DTNA: variants seen among roughly 807,000 people sequenced by gnomAD.
DTNA encodes the protein dystrophin-related protein 3.
In DTNA, 43 loss-of-function variants were observed where a neutral mutation model predicts 100.7. The observed-to-expected ratio is 0.43, with a 90% CI of 0.33 to 0.55. DTNA has a LOEUF of 0.55. DTNA is among the 20% of genes least tolerant of loss of function. DTNA has a pLI of 0.04. For synonymous variants in DTNA, 349 were observed against 347.9 expected, an observed-to-expected ratio of 1.00 and a Z score of -0.04; for missense variants, 798 against 953.9, an observed-to-expected ratio of 0.84 and a Z score of 2.15.
At position 34,888,814 on chromosome 18, in the gene DTNA, G is replaced by A. The variant is rs2096944326; in HGVS notation, c.*1080G>A. The A allele has an allele frequency of 2.0e-6, 2 of 985,842 alleles. No homozygotes were observed. The highest frequency in any genetic ancestry group is 2.4e-6 in the Non-Finnish European group (2 of 829,944). 61.1% of individuals were successfully genotyped at this position (985,842 alleles called of 1,614,324 possible). A position where few individuals can be genotyped will look rare whatever the true frequency, so the allele number is the denominator to read the frequency against. Reference sequence around the variant, plus strand: ...CCATCAAGTTGTTTGGAGGCCTTCAGCTTTAAATGTACAGGCTTAAAGTGC... The same window carrying A: ...CCATCAAGTTGTTTGGAGGCCTTCAACTTTAAATGTACAGGCTTAAAGTGC... On this transcript the variant is annotated 3_prime_UTR_variant, in exon 23 of 23. Transcript: ENST00000444659.
chr18:34,645,546 T>C (rs1243774952), intron 1 of DTNA, among the ~76,000 whole-genome samples: 6 of 152,118 alleles, frequency 3.9e-5, no homozygotes, highest in Non-Finnish European at 8.8e-5. Flanking sequence ...CCTACAGATA[T>C]GTATAAATCC....
At chr18:34,525,727 AG>A (rs1303381943) in intron 1 of DTNA, among the ~76,000 whole-genome samples, 1 of 152,180 alleles carries the variant, frequency 6.6e-6, no homozygotes, top group African/African-American at 2.4e-5. Context: ...TTATTGATCC[AG>A]AAAAAGCCAA....
chr18:34,819,883 A>G (rs1691258048), intron 8 of DTNA, among the ~76,000 whole-genome samples: 1 of 151,972 alleles, frequency 6.6e-6, no homozygotes, highest in South Asian at 2.1e-4. Flanking sequence ...GACTCTAGGT[A>G]TAAAAGAAAG....
chr18:34,726,569 C>A (rs1006083733), intron 1 of DTNA, among the ~76,000 whole-genome samples: 7 of 152,254 alleles, frequency 4.6e-5, no homozygotes, highest in Non-Finnish European at 1.0e-4. Flanking sequence ...AGGCCCCATG[C>A]AAGTCTGAAA....
intron 1 of DTNA, among the ~76,000 whole-genome samples, chr18:34,606,089 G>C (rs750518351): frequency 1.6e-4 from 24 of 152,072 alleles, no homozygotes; most frequent in Non-Finnish European, 3.2e-4. Context: ...ATCAAATCAG[G>C]GATGTTTTAT....
chr18:34,746,541 G>A (rs902803086), intron 1 of DTNA, among the ~76,000 whole-genome samples: 4 of 151,944 alleles, frequency 2.6e-5, no homozygotes, highest in African/African-American at 9.7e-5. Flanking sequence ...AAGATACATC[G>A]TATTGAATAA....
At chr18:34,807,990 T>A (rs2095407461) in intron 5 of DTNA, among the ~76,000 whole-genome samples, 1 of 151,804 alleles carries the variant, frequency 6.6e-6, no homozygotes, top group Admixed American at 6.6e-5. Flanking sequence ...GAGAACCTTG[T>A]CTGCCAACCC....
chr18:34,843,501 G>GTGCCAGCA (rs1392662925), intron 13 of DTNA, among the ~76,000 whole-genome samples: 2 of 152,062 alleles, frequency 1.3e-5, no homozygotes, highest in African/African-American at 4.8e-5. Context: ...CAAGACTAAG[G>GTGCCAGCA]TGCCAGCAGG....
At chr18:34,625,800 A>C (rs952174907) in intron 1 of DTNA, among the ~76,000 whole-genome samples, 1 of 152,218 alleles carries the variant, frequency 6.6e-6, no homozygotes, top group Non-Finnish European at 1.5e-5. Context: ...TGCTGGAAGT[A>C]CTTGCAGAAG....
intron 6 of DTNA, among the ~76,000 whole-genome samples, chr18:34,813,395 G>T (rs2095524412): frequency 6.6e-6 from 1 of 150,502 alleles, no homozygotes; most frequent in Non-Finnish European, 1.5e-5. Context: ...CTTAAGCCCG[G>T]ATGGCGCCAC....
intron 1 of DTNA, among the ~76,000 whole-genome samples, chr18:34,743,971 T>C (rs141746223): frequency 1.3e-5 from 2 of 152,094 alleles, no homozygotes; most frequent in African/African-American, 4.8e-5. Flanking sequence ...CTCTGGAGAA[T>C]ATCATCCAGA....
At chr18:34,866,141 G>C (rs1247853073) in intron 17 of DTNA, 1 of 1,614,162 alleles carries the variant, frequency 6.2e-7, no homozygotes, top group Admixed American at 1.7e-5. Flanking sequence ...AGTAAGTTAT[G>C]TCCCCTACTG....
intron 1 of DTNA, among the ~76,000 whole-genome samples, chr18:34,641,723 A>T (rs1261089982): frequency 2.0e-5 from 3 of 152,178 alleles, no homozygotes; most frequent in Non-Finnish European, 2.9e-5. Context: ...GCATAAACAG[A>T]GCTGGGGAAT....
chr18:34,567,275 G>A (rs763966573), intron 1 of DTNA, among the ~76,000 whole-genome samples: 13 of 152,056 alleles, frequency 8.5e-5, no homozygotes, highest in Non-Finnish European at 1.6e-4. Flanking sequence ...TTAGCTTTAT[G>A]AACTGAGATT....
chr18:34,834,038 G>A (rs2096076089), intron 11 of DTNA, among the ~76,000 whole-genome samples: 1 of 152,278 alleles, frequency 6.6e-6, no homozygotes, highest in South Asian at 2.1e-4. Flanking sequence ...ATTTCTCCAT[G>A]CAAACTTCCA....
chr18:34,714,105 G>T (rs1020509442), intron 1 of DTNA, among the ~76,000 whole-genome samples: 1 of 151,952 alleles, frequency 6.6e-6, no homozygotes, highest in Non-Finnish European at 1.5e-5. Flanking sequence ...AGACTTAAAC[G>T]TTAGACCTAA....
intron 1 of DTNA, among the ~76,000 whole-genome samples, chr18:34,598,296 G>T (rs2051059361): frequency 6.6e-6 from 1 of 151,614 alleles, no homozygotes; most frequent in African/African-American, 2.4e-5. Context: ...TGGTGAGTCA[G>T]CTGTTTATTA....
chr18:34,580,600 A>G (rs1429119124), intron 1 of DTNA, among the ~76,000 whole-genome samples: 4 of 152,198 alleles, frequency 2.6e-5, no homozygotes, highest in Non-Finnish European at 4.4e-5. Flanking sequence ...ATTTATCTTT[A>G]GGAAGACTGA....
chr18:34,717,015 A>C (rs1164062034), intron 1 of DTNA, among the ~76,000 whole-genome samples: 1 of 152,188 alleles, frequency 6.6e-6, no homozygotes, highest in African/African-American at 2.4e-5. Context: ...TTCTAAAGAA[A>C]TTTCTGCTCA....
Sources: gnomAD v4.1 joint callset for allele counts (sites outside exome capture counted in the v4.1 genomes callset) on GRCh38, gnomAD v4.1.1 for gene constraint, MANE v1.5 for transcripts, NCBI Gene and HGNC (gene_info 2026-07-23, HGNC 2026-07-21) for gene names.